The following MTOR variants were observed in gnomAD, a reference collection of about 807,000 sequenced individuals.
MTOR encodes serine/threonine-protein kinase mTOR.
A neutral mutation model predicts 319.8 loss-of-function variants in MTOR; 70 were observed. The ratio of observed to expected loss-of-function variants is 0.22; its 90% CI spans 0.18 to 0.27. The LOEUF (loss-of-function observed/expected upper bound fraction) is 0.27. Among genes scored for constraint, MTOR ranks in the 10% least tolerant of loss-of-function variants. The probability of loss-of-function intolerance (pLI) is 1.00; values close to 1 mark genes in which losing one functional copy is unlikely to be tolerated. For missense variants in MTOR, 1,890 were observed against 3,274.4 expected, an observed-to-expected ratio of 0.58 and a Z score of 10.32; for synonymous variants, 1,183 against 1,211.4, an observed-to-expected ratio of 0.98 and a Z score of 0.49.
At chr1:11,224,283 C>T (rs1354918857) in intron 19 of MTOR, among the ~76,000 whole-genome samples, 13 of 151,846 alleles carry the variant, frequency 8.6e-5, no homozygotes, top group Admixed American at 8.5e-4. Context: ...GCTGGTACAG[C>T]TATATTAATG....
In MTOR at chr1:11,129,436, C is replaced by A. The variant is rs1643006158; in HGVS notation, c.5714+302G>T. 6.6e-6 allele frequency among the ~76,000 whole-genome samples: 1 copy of A among 152,144 alleles called. No individual in the cohort carries two copies. The highest frequency in any genetic ancestry group is 1.5e-5 in the Non-Finnish European group (1 of 68,018). ...TTAGAAATACTGTGACTTCAATAGG[C>A]AACAGGGTGGTCAGAAAAAAAGAAA... On this transcript the variant is annotated intron_variant, in intron 40 of 57. Coordinates refer to ENST00000361445, the MANE Select transcript of MTOR (RefSeq NM_004958.4). The surrounding 1 kb of genome is among the most constrained non-coding windows in gnomAD (Gnocchi z 4.7).
intron 18 of MTOR, 24 bp downstream of exon 18, chr1:11,230,901 C>A (rs778329468): frequency 1.2e-6 from 2 of 1,613,092 alleles, no homozygotes; most frequent in Non-Finnish European, 1.7e-6. Context: ...CTTGGCAAGT[C>A]TTTCATGGCT....
At chr1:11,201,750 A>G (rs1645975912) in intron 26 of MTOR, among the ~76,000 whole-genome samples, 1 of 152,072 alleles carries the variant, frequency 6.6e-6, no homozygotes, top group Non-Finnish European at 1.5e-5. Flanking sequence ...TTTGTATTCC[A>G]TTTTATTTAC....
intron 49 of MTOR, among the ~76,000 whole-genome samples, chr1:11,118,091 T>C (rs1192750761): frequency 6.7e-6 from 1 of 150,004 alleles, no homozygotes; most frequent in African/African-American, 2.5e-5. Context: ...AAAAATAAAA[T>C]TAAAAAAAAT....
intron 30 of MTOR, 77 bp from the exon 31 acceptor site, chr1:11,150,303 T>G: frequency 2.4e-6 from 3 of 1,275,906 alleles, no homozygotes; most frequent in Non-Finnish European, 3.3e-6. Flanking sequence ...GCCCCTTGGG[T>G]TAGGTGAGGA....
chr1:11,255,912 G>T (rs1489764244), intron 5 of MTOR, 80 bp downstream of exon 5: 3 of 1,348,402 alleles, frequency 2.2e-6, no homozygotes, highest in East Asian at 2.4e-5. Flanking sequence ...CATGGCAAGG[G>T]CTTGTGGCTG....
intron 29 of MTOR, among the ~76,000 whole-genome samples, chr1:11,161,950 T>G (rs1351885020): frequency 6.6e-6 from 1 of 152,072 alleles, no homozygotes; most frequent in Non-Finnish European, 1.5e-5. Flanking sequence ...CTTTGATGAG[T>G]TGAAAGAAGA....
At chr1:11,254,756 GAA>G (rs1406544709) in intron 5 of MTOR, among the ~76,000 whole-genome samples, 1 of 151,014 alleles carries the variant, frequency 6.6e-6, no homozygotes, top group Non-Finnish European at 1.5e-5. Flanking sequence ...TAACATCTCT[GAA>G]AAGAGATGTC....
rs1643252372 is a variant in MTOR at position 11,133,346 on chromosome 1, C to G, written c.5247-149G>C. 4.5e-6 allele frequency: 3 copies of G among 667,070 alleles called. No homozygotes were observed. The highest frequency in any genetic ancestry group is 5.2e-5 in the Admixed American group (2 of 38,424). 41.3% of individuals were successfully genotyped at this position (667,070 alleles called of 1,614,324 possible). A position where few individuals can be genotyped will look rare whatever the true frequency, so the allele number is the denominator to read the frequency against. On this transcript the variant is annotated intron_variant, in intron 37 of 57. Coordinates refer to ENST00000361445, the MANE Select transcript of MTOR (RefSeq NM_004958.4). This position sits in a 1 kb window ranked among gnomAD's most constrained non-coding sequence, Gnocchi z 4.0. ...GTGAAGGAGCTAGCAAAATTTTCAG[C>G]CACACGCAAGAAAGGAGATGGGCTT...
chr1:11,135,836 AAAAAG>A (rs1643387256), intron 36 of MTOR, among the ~76,000 whole-genome samples: 1 of 150,476 alleles, frequency 6.6e-6, no homozygotes, highest in Admixed American at 6.6e-5. Flanking sequence ...GTCTCAAAAA[AAAAAG>A]AAAAGAAAAA....
At chr1:11,194,776 A>C in intron 28 of MTOR, 7 of 1,597,794 alleles carry the variant, frequency 4.4e-6, no homozygotes, top group Non-Finnish European at 5.1e-6. Flanking sequence ...ATTCTTTCTG[A>C]CCCTGGCTCT....
chr1:11,247,531 T>A (rs753481850), intron 8 of MTOR, 94 bp downstream of exon 8: 1 of 1,075,348 alleles, frequency 9.3e-7, no homozygotes, highest in African/African-American at 1.6e-5. Context: ...TTTGTTGGCG[T>A]TGCTTCAAAG....
Position 11,247,826 on chromosome 1 carries a change from A to T in MTOR, c.1109T>A (p.Phe370Tyr). Residue 370 changes from phenylalanine (F) to tyrosine (Y), a missense_variant, in exon 7 of 58, where the codon TTT becomes TAT. Phe to Tyr is a conservative substitution (Grantham distance 22). Around this residue, in one of 15 missense-constraint regions of MTOR, gnomAD observed 418 missense variants for 543.1 expected, o/e 0.77. Transcript: ENST00000361445. ...RCCRDLMEEK[F>Y]DQVCQWVLKC... is the part of the protein sequence containing the mutation. ...GGGCCTCTCACCACTTACCTGATCA[A>T]ATTTCTCCTCCATCAAGTCTCTGCA... 1 of 1,612,868 alleles carries T rather than the reference A, an allele frequency of 6.2e-7. No homozygotes were observed.
chr1:11,172,322 C>T (rs1177508842), intron 28 of MTOR, among the ~76,000 whole-genome samples: 1 of 151,688 alleles, frequency 6.6e-6, no homozygotes, highest in Non-Finnish European at 1.5e-5. Flanking sequence ...CTTTGGGAGG[C>T]TGAGGTGGGC....
In MTOR at chr1:11,178,238, G is replaced by C. The variant is rs149804010; in HGVS notation, c.4254-10721C>G. On this transcript the variant is annotated intron_variant, in intron 28 of 57. Coordinates refer to ENST00000361445, the MANE Select transcript of MTOR (RefSeq NM_004958.4). The stretch of plus-strand genomic sequence containing the variant: ...GCCTCGGAGAGGAATACTGCCCAGC[G>C]ATGAGCTGGCAAGCTGGCCCATTTG... 3.5e-3 allele frequency among the ~76,000 whole-genome samples: 534 copies of C among 152,314 alleles called. 6 individuals carry two copies. Among genetic ancestry groups the C allele is most frequent in the African/African-American group, 0.012 (505 of 41,578 alleles).
intron 30 of MTOR, among the ~76,000 whole-genome samples, chr1:11,152,821 G>A (rs984905957): frequency 2.6e-5 from 4 of 152,292 alleles, no homozygotes; most frequent in South Asian, 2.1e-4. Flanking sequence ...TGAATAAACC[G>A]TATCAGAAAC....
Position 11,199,456 on chromosome 1 carries a change from C to T in MTOR, c.4108-53G>A. The stretch of plus-strand genomic sequence containing the variant: ...AGGAAAATGGCAGATGGGGCACAAA[C>T]AAGAGAAGGCTGTGTGGATGCTTCT... On this transcript the variant is annotated intron_variant, in intron 27 of 57. Transcript: ENST00000361445. This position sits in a 1 kb window ranked among gnomAD's most constrained non-coding sequence, Gnocchi z 4.5. 1.2e-6 allele frequency: 2 copies of T among 1,613,946 alleles called. No homozygotes were observed. Among genetic ancestry groups the T allele is most frequent in the South Asian group, 1.1e-5 (1 of 91,064 alleles).
intron 18 of MTOR, 132 bp from the exon 19 acceptor site, chr1:11,229,050 C>G: frequency 8.5e-7 from 1 of 1,177,086 alleles, no homozygotes; most frequent in Admixed American, 2.1e-5. Context: ...TGTTCTAACA[C>G]TGTTGGGAGT....
Position 11,131,031 on chromosome 1 carries a change from G to C in MTOR, c.5365-254C>G, listed in dbSNP as rs1261803426. 32 of 565,082 alleles carry C rather than the reference G, an allele frequency of 5.7e-5. No homozygotes were observed. The South Asian group carries it at 5.8e-4, about 10-fold the overall frequency. 35.0% of individuals were successfully genotyped at this position (565,082 alleles called of 1,614,324 possible). On this transcript the variant is annotated intron_variant, in intron 38 of 57. Coordinates refer to ENST00000361445, the MANE Select transcript of MTOR (RefSeq NM_004958.4). ...GGCACAGCAAGAGGAGCAGGAGAGA[G>C]CTCTTGCCTCAAGGGATCTCCCGGC...
Sources: allele counts gnomAD v4.1 joint callset (sites outside exome capture counted in the v4.1 genomes callset), GRCh38; gene constraint gnomAD v4.1.1; regional missense constraint gnomAD v4.1.1; non-coding constraint Gnocchi (gnomAD v3.1); transcripts MANE v1.5; gene names NCBI Gene and HGNC (gene_info 2026-07-23, HGNC 2026-07-21).